The following MAPK6 variants were observed in gnomAD, a reference collection of about 807,000 sequenced individuals.
The protein encoded by MAPK6 is mitogen-activated protein kinase 6.
A neutral mutation model predicts 59.3 loss-of-function variants in MAPK6; 19 were observed. The ratio of observed to expected loss-of-function variants is 0.32; its 90% CI spans 0.22 to 0.47. The LOEUF is 0.47. MAPK6 is among the 20% of genes least tolerant of loss of function. The probability of loss-of-function intolerance (pLI) is 1.00; values close to 1 mark genes in which losing one functional copy is unlikely to be tolerated. For synonymous variants in MAPK6, 316 were observed against 290.3 expected (o/e 1.09, Z -0.90); for missense variants, 724 against 847.9 (o/e 0.85, Z 1.81).
chr15:51,998,666 G>A (rs2057232933), intron 2 of MAPK6, among the ~76,000 whole-genome samples: 3 of 136,656 alleles, frequency 2.2e-5, no homozygotes, highest in South Asian at 2.3e-4. Context: ...AATTACAGGC[G>A]TGCGCCACCA....
Position 52,040,825 on chromosome 15 carries a change from A to G in MAPK6, c.-631-5005A>G, listed in dbSNP as rs557503740. 2.0e-5 allele frequency among the ~76,000 whole-genome samples: 3 copies of G among 152,216 alleles called. 1 individual carries two copies. In the South Asian group the frequency reaches 6.2e-4, roughly 32 times the overall value. On this transcript the variant is annotated intron_variant, in intron 1 of 5. Coordinates refer to ENST00000261845, the MANE Select transcript of MAPK6 (RefSeq NM_002748.4). ...CTTAGGAAGCTGGTATCCAGCCTGC[A>G]TTATAAAGAGCTTTTAATTCCATGA...
upstream of MAPK6, among the ~76,000 whole-genome samples, chr15:52,015,189 T>TG (rs1386549602): frequency 2.6e-5 from 4 of 151,846 alleles, no homozygotes; most frequent in Non-Finnish European, 1.5e-5. Flanking sequence ...TTAGTAGAGA[T>TG]GGGGTTTCAC....
At chr15:51,980,821 A>G (rs910394801) in intron 1 of MAPK6, among the ~76,000 whole-genome samples, 1 of 151,014 alleles carries the variant, frequency 6.6e-6, no homozygotes, top group African/African-American at 2.4e-5. Flanking sequence ...TGAACTCCTG[A>G]CCTCAGGTGG....
chr15:52,019,486 TC>T (rs1273992673), intron 1 of MAPK6, 110 bp downstream of exon 1: 1 of 146,486 alleles, frequency 6.8e-6, no homozygotes, highest in Non-Finnish European at 1.5e-5. Context: ...GCCGGCTCCC[TC>T]CTCCATTGTG....
chr15:52,039,900 A>T (rs925456917), intron 1 of MAPK6, among the ~76,000 whole-genome samples: 3 of 152,162 alleles, frequency 2.0e-5, no homozygotes, highest in Non-Finnish European at 2.9e-5. Context: ...AGTTACTGAT[A>T]CTACCCAAAG....
chr15:52,027,697 A>G (rs1395724181), intron 1 of MAPK6: 3 of 150,226 alleles, frequency 2.0e-5, no homozygotes, highest in Non-Finnish European at 3.0e-5. Context: ...CTCGGCCTCA[A>G]AAAGTGCTGG....
chr15:51,974,477 A>G (rs1349023394), intron 1 of MAPK6, among the ~76,000 whole-genome samples: 2 of 150,106 alleles, frequency 1.3e-5, no homozygotes, highest in Admixed American at 6.6e-5. Flanking sequence ...TAACACAGTG[A>G]CCCCGTCTCT....
intron 3 of MAPK6, among the ~76,000 whole-genome samples, chr15:52,005,894 A>G (rs2057257290): frequency 6.6e-6 from 1 of 152,136 alleles, no homozygotes; most frequent in African/African-American, 2.4e-5. Flanking sequence ...GACTTGTCTT[A>G]CTTAAAACTG....
chr15:52,006,675 CA>C (rs1415147505), intron 3 of MAPK6, among the ~76,000 whole-genome samples: 1 of 152,110 alleles, frequency 6.6e-6, no homozygotes, highest in African/African-American at 2.4e-5. Flanking sequence ...TGTTGGTTGC[CA>C]GGGGCCAATC....
chr15:52,060,610 GC>G (rs953524148), intron 4 of MAPK6, among the ~76,000 whole-genome samples: 6 of 152,160 alleles, frequency 3.9e-5, no homozygotes, highest in African/African-American at 1.4e-4. Context: ...GAAGTGTGTG[GC>G]TGGTGTAAAT....
At chr15:52,040,610 G>A (rs555000183) in intron 1 of MAPK6, among the ~76,000 whole-genome samples, 3 of 152,204 alleles carry the variant, frequency 2.0e-5, no homozygotes, top group Non-Finnish European at 4.4e-5. Flanking sequence ...TGGCGAGATA[G>A]GACAAAGTAA....
At chr15:52,027,236 G>C (rs950443902) in intron 1 of MAPK6, among the ~76,000 whole-genome samples, 1 of 150,432 alleles carries the variant, frequency 6.6e-6, no homozygotes. Context: ...TGTAATCCCA[G>C]CTACTCGGGA....
intron 2 of MAPK6, among the ~76,000 whole-genome samples, chr15:51,998,259 T>A (rs1047347703): frequency 2.0e-5 from 3 of 151,578 alleles, no homozygotes; most frequent in African/African-American, 7.3e-5. Flanking sequence ...ATTTTCTTAG[T>A]GGTAGCACAA....
chr15:52,055,548 C>T (rs971315006), intron 3 of MAPK6, among the ~76,000 whole-genome samples: 1 of 152,206 alleles, frequency 6.6e-6, no homozygotes, highest in Non-Finnish European at 1.5e-5. Context: ...AGGAGTCTCG[C>T]TCTGTCGCCT....
intron 3 of MAPK6, among the ~76,000 whole-genome samples, chr15:52,005,655 CCA>C (rs1159430974): frequency 6.6e-6 from 1 of 152,164 alleles, no homozygotes; most frequent in African/African-American, 2.4e-5. Flanking sequence ...AGGGGTGCTT[CCA>C]CACACATTAT....
chr15:51,998,175 C>T (rs2414126), intron 2 of MAPK6, among the ~76,000 whole-genome samples: 2,635 of 152,020 alleles, frequency 0.017, 75 homozygotes, highest in African/African-American at 0.06. Flanking sequence ...ATCGCCTGAC[C>T]TCGTAATCCA....
chr15:51,998,816 G>A (rs1595962230), intron 2 of MAPK6, among the ~76,000 whole-genome samples: 1 of 148,016 alleles, frequency 6.8e-6, no homozygotes, highest in African/African-American at 2.5e-5. Flanking sequence ...TCAGCCGCCG[G>A]AGTAGCTGGG....
At chr15:52,053,971 TTTTTC>T (rs1247931653) in intron 3 of MAPK6, among the ~76,000 whole-genome samples, 24 of 152,034 alleles carry the variant, frequency 1.6e-4, no homozygotes, top group East Asian at 7.8e-4. Context: ...TCCAGTTACC[TTTTTC>T]TTTTGTCTCT....
chr15:52,037,460 C>G (rs114396215), intron 1 of MAPK6, among the ~76,000 whole-genome samples: 7 of 152,292 alleles, frequency 4.6e-5, no homozygotes, highest in African/African-American at 1.4e-4. Context: ...TTCATTATAC[C>G]TTCTTTGGTA....
Sources: gnomAD v4.1 joint callset for allele counts (sites outside exome capture counted in the v4.1 genomes callset) on GRCh38, gnomAD v4.1.1 for gene constraint, MANE v1.5 for transcripts, NCBI Gene and HGNC (gene_info 2026-07-23, HGNC 2026-07-21) for gene names.